Variants in NAV2 observed in about 807,000 individuals in gnomAD.
NAV2 encodes neuron navigator 2.
In NAV2, 54 loss-of-function variants were observed where a neutral mutation model predicts 223.2. That is an observed-to-expected ratio of 0.24 (90% CI 0.19 to 0.30). The LOEUF (loss-of-function observed/expected upper bound fraction) is 0.30. Among genes scored for constraint, NAV2 ranks in the 10% least tolerant of loss-of-function variants. The probability of loss-of-function intolerance (pLI) is 1.00; values close to 1 mark genes in which losing one functional copy is unlikely to be tolerated. For synonymous variants in NAV2, 1,279 were observed against 1,239.3 expected (o/e 1.03, Z -0.67); for missense variants, 2,806 against 3,147.5 (o/e 0.89, Z 2.60).
chr11:19,902,517 A>T (rs1210429997), intron 6 of NAV2, among the ~76,000 whole-genome samples: 1 of 152,244 alleles, frequency 6.6e-6, no homozygotes, highest in African/African-American at 2.4e-5. Context: ...GAGAAAATAT[A>T]TCATTTGGAA....
intron 2 of NAV2, 66 bp from the exon 3 acceptor site, chr11:19,842,805 C>T: frequency 6.5e-7 from 1 of 1,534,284 alleles, no homozygotes; most frequent in Non-Finnish European, 9.0e-7. Flanking sequence ...CTCAAGTGTC[C>T]TGAACATCAC....
At chr11:19,550,097 T>A (rs896291285) in intron 1 of NAV2, among the ~76,000 whole-genome samples, 1 of 152,174 alleles carries the variant, frequency 6.6e-6, no homozygotes, top group Admixed American at 6.5e-5. Context: ...GGACTTTTTA[T>A]TGCCTGAAAA....
At chr11:19,393,142 T>G (rs1849313116) in intron 1 of NAV2, among the ~76,000 whole-genome samples, 1 of 152,234 alleles carries the variant, frequency 6.6e-6, no homozygotes. Flanking sequence ...TTTCCCAGAC[T>G]GTCCATCCCT....
intron 1 of NAV2, among the ~76,000 whole-genome samples, chr11:19,495,543 T>C (rs4540822): frequency 0.14 from 21,951 of 152,126 alleles, 1,689 homozygotes; most frequent in Admixed American, 0.2. Context: ...TTACAGAAAA[T>C]ACTTAGAAAT....
intron 6 of NAV2, among the ~76,000 whole-genome samples, chr11:19,906,245 A>G (rs2042858917): frequency 6.6e-6 from 1 of 152,160 alleles, no homozygotes; most frequent in African/African-American, 2.4e-5. Flanking sequence ...GAAGGCAGAG[A>G]GTTGAAATGT....
At chr11:20,111,633 C>A (rs1022959859) in intron 36 of NAV2, among the ~76,000 whole-genome samples, 16 of 152,202 alleles carry the variant, frequency 1.1e-4, no homozygotes, top group Admixed American at 1.3e-4. Context: ...CAGGGTAACT[C>A]AAAAGGCCTT....
chr11:19,863,096 T>C (rs1471368320), intron 3 of NAV2, among the ~76,000 whole-genome samples: 1 of 152,090 alleles, frequency 6.6e-6, no homozygotes, highest in African/African-American at 2.4e-5. Flanking sequence ...GTTTGACCCA[T>C]CCCCAACATG....
intron 1 of NAV2, among the ~76,000 whole-genome samples, chr11:19,795,491 A>G (rs1187655983): frequency 2.0e-5 from 3 of 152,384 alleles, no homozygotes; most frequent in African/African-American, 7.2e-5. Context: ...GGCAAAATAG[A>G]AGGTAATCAT....
At chr11:19,345,344 G>A in the NAV2 span, among the ~76,000 whole-genome samples, 1 of 152,220 alleles carries the variant, frequency 6.6e-6, no homozygotes, top group East Asian at 1.9e-4. This position sits in a 1 kb window ranked among gnomAD's most constrained non-coding sequence, Gnocchi z 5.2. Flanking sequence ...CCCCCAGGTC[G>A]GGTCTGGCTG....
intron 1 of NAV2, among the ~76,000 whole-genome samples, chr11:19,803,552 G>A (rs998260795): frequency 2.6e-5 from 4 of 152,234 alleles, no homozygotes; most frequent in Admixed American, 6.5e-5. Context: ...TCTGCAAAAT[G>A]GAATTAGTCA....
chr11:19,358,434 G>A (rs1853746333), intron 1 of NAV2, among the ~76,000 whole-genome samples: 1 of 152,194 alleles, frequency 6.6e-6, no homozygotes, highest in Non-Finnish European at 1.5e-5. Context: ...GCATATGTTA[G>A]AGAGGAAAGT....
At chr11:19,542,059 C>T (rs183730131) in intron 1 of NAV2, among the ~76,000 whole-genome samples, 49 of 152,226 alleles carry the variant, frequency 3.2e-4, no homozygotes, top group Middle Eastern at 3.4e-3. Context: ...TCTTAGAGGT[C>T]GGCAAAGCCC....
At chr11:19,914,173 T>C (rs1238048862) in intron 6 of NAV2, among the ~76,000 whole-genome samples, 1 of 152,244 alleles carries the variant, frequency 6.6e-6, no homozygotes, top group Non-Finnish European at 1.5e-5. Context: ...GAATCAATTG[T>C]TAGTCATTTG....
chr11:19,831,607 T>C (rs945601253), intron 1 of NAV2, among the ~76,000 whole-genome samples: 20 of 152,124 alleles, frequency 1.3e-4, no homozygotes, highest in Non-Finnish European at 2.1e-4. Flanking sequence ...TCAGAAGGTT[T>C]TTTGTTTTGT....
intron 1 of NAV2, among the ~76,000 whole-genome samples, chr11:19,359,109 A>G (rs993433844): frequency 3.3e-5 from 5 of 152,238 alleles, no homozygotes; most frequent in African/African-American, 7.2e-5. Flanking sequence ...AGGGAGAGAT[A>G]GGACTCTCCT....
At chr11:19,953,093 T>A (rs1164976491) in intron 10 of NAV2, among the ~76,000 whole-genome samples, 3 of 152,168 alleles carry the variant, frequency 2.0e-5, no homozygotes, top group Non-Finnish European at 4.4e-5. Flanking sequence ...TGGTACAGAA[T>A]AAAATTAAAG....
chr11:19,589,376 T>G (rs1288703521), intron 1 of NAV2, among the ~76,000 whole-genome samples: 1 of 152,128 alleles, frequency 6.6e-6, no homozygotes. Flanking sequence ...ATAAATTCAA[T>G]CAGTGGTTAC....
chr11:19,544,450 C>A (rs1190372185), intron 1 of NAV2, among the ~76,000 whole-genome samples: 1 of 152,226 alleles, frequency 6.6e-6, no homozygotes, highest in Non-Finnish European at 1.5e-5. Context: ...ATCTAGAGAT[C>A]TGAGTAGGCA....
At chr11:19,876,893 T>G (rs1333168649) in intron 4 of NAV2, among the ~76,000 whole-genome samples, 3 of 149,380 alleles carry the variant, frequency 2.0e-5, no homozygotes, top group Non-Finnish European at 4.4e-5. Context: ...TTTTACTTAT[T>G]TATTTATTTA....
Sources: allele counts gnomAD v4.1 joint callset (sites outside exome capture counted in the v4.1 genomes callset), GRCh38; gene constraint gnomAD v4.1.1; non-coding constraint Gnocchi (gnomAD v3.1); transcripts MANE v1.5; gene names NCBI Gene and HGNC (gene_info 2026-07-23, HGNC 2026-07-21).